The following STAT4 variants were observed in gnomAD, a reference collection of about 807,000 sequenced individuals.
The protein encoded by STAT4 is signal transducer and activator of transcription 4.
Under a neutral mutation model 110.5 loss-of-function variants are expected in STAT4, and 42 were observed. The ratio of observed to expected loss-of-function variants is 0.38; its 90% CI spans 0.30 to 0.49. The LOEUF (loss-of-function observed/expected upper bound fraction) is 0.49. Ranked by LOEUF, STAT4 falls within the 20% of genes least tolerant of loss-of-function variation. The probability of loss-of-function intolerance (pLI) is 0.95; values close to 1 mark genes in which losing one functional copy is unlikely to be tolerated. For synonymous variants in STAT4, 284 were observed against 302.2 expected (o/e 0.94, Z 0.63); for missense variants, 632 against 887.9 (o/e 0.71, Z 3.66).
chr2:191,131,007 A>T (rs922443460), intron 3 of STAT4, among the ~76,000 whole-genome samples: 13 of 151,890 alleles, frequency 8.6e-5, no homozygotes, highest in African/African-American at 2.9e-4. Context: ...GAAAAATAAT[A>T]AAAAGTAAAA....
chr2:191,098,674 G>A (rs1248575932), intron 3 of STAT4, among the ~76,000 whole-genome samples: 1 of 152,136 alleles, frequency 6.6e-6, no homozygotes, highest in Non-Finnish European at 1.5e-5. Context: ...GAGTTAATGG[G>A]TGCAGCAAAC....
intron 3 of STAT4, among the ~76,000 whole-genome samples, chr2:191,096,979 GACAA>G (rs1487414188): frequency 6.6e-6 from 1 of 152,086 alleles, no homozygotes; most frequent in African/African-American, 2.4e-5. Context: ...ACCAATAACA[GACAA>G]ACAGAGAGCC....
At position 191,069,738 on chromosome 2, in the gene STAT4, G is replaced by C; in HGVS notation, c.499C>G (p.Leu167Val). Residue 167 changes from leucine (L) to valine (V), a missense_variant, in exon 6 of 24, where the codon CTG becomes GTG. Around this residue, in one of 4 missense-constraint regions of STAT4, gnomAD observed 488 missense variants for 632.8 expected, o/e 0.77. Coordinates refer to ENST00000392320, the MANE Select transcript of STAT4 (RefSeq NM_003151.4). ...TACCTGTAGTCAAATTCGTCTTGCA[G>C]ATCTTCTAAGTATTTGGTATCTTGT... ...TEQDTKYLEDLQDEFDYRYKT... is the reference protein window; with the variant it reads ...TEQDTKYLEDVQDEFDYRYKT... 6.2e-7 allele frequency: 1 copy of C among 1,609,292 alleles called. No homozygotes were observed. Among genetic ancestry groups the C allele is most frequent in the East Asian group, 2.2e-5 (1 of 44,596 alleles).
Position 191,030,763 on chromosome 2 carries a change from T to C in STAT4, c.2220+209A>G. 1 of 494,028 alleles carries C rather than the reference T, an allele frequency of 2.0e-6. No homozygotes were observed. Among genetic ancestry groups the C allele is most frequent in the Non-Finnish European group, 3.7e-6 (1 of 272,912 alleles). The allele number at this position is 494,028 out of a possible 1,614,324, so 30.6% of individuals were successfully genotyped here. ...TCTGGTGGAAACAACGTAAAGCAGT[T>C]TAAGTAACTGAAGGTGTCTGCTTTC... On this transcript the variant is annotated intron_variant, in intron 23 of 23. Transcript: ENST00000392320. This position sits in a 1 kb window ranked among gnomAD's most constrained non-coding sequence, Gnocchi z 4.4.
At chr2:191,123,344 C>T (rs540771422) in intron 3 of STAT4, among the ~76,000 whole-genome samples, 8 of 152,246 alleles carry the variant, frequency 5.3e-5, no homozygotes, top group Middle Eastern at 3.4e-3. Context: ...TCTTGGACTC[C>T]CTTTCACTTT....
At chr2:191,134,116 T>C (rs1448295311) in intron 3 of STAT4, among the ~76,000 whole-genome samples, 1 of 152,122 alleles carries the variant, frequency 6.6e-6, no homozygotes, top group Non-Finnish European at 1.5e-5. Context: ...CCTTCCAAAG[T>C]CTAAGGTTGG....
Position 191,041,068 on chromosome 2 carries a change from C to A in STAT4, c.1332G>T (p.Leu444Phe). The A allele has an allele frequency of 6.9e-7, 1 of 1,447,072 alleles. No individual in the cohort carries two copies. Among genetic ancestry groups the A allele is most frequent in the Non-Finnish European group, 9.1e-7 (1 of 1,094,180 alleles). The allele number at this position is 1,447,072 out of a possible 1,614,324, so 89.6% of individuals were successfully genotyped here. A position where few individuals can be genotyped will look rare whatever the true frequency, so the allele number is the denominator to read the frequency against. The change falls in exon 15 of 24, where the codon TTG (leucine) becomes TTT (phenylalanine). Residue 444 changes from leucine to phenylalanine, a missense_variant. By Grantham distance (22) the Leu-to-Phe change is conservative. This residue lies in a region of STAT4 where 488 missense variants were observed against 632.8 expected (regional missense o/e 0.77). Coordinates refer to ENST00000392320, the MANE Select transcript of STAT4 (RefSeq NM_003151.4). ...QICLYGLTID[L>F]ETSSLPVVMI... is the part of the protein sequence containing the mutation. ...TGTATGTTCTTGAAACACCTACCTCCAAATCTATGGTCAGGCCATAGAGGC... is the reference window on the plus strand; with the variant it reads ...TGTATGTTCTTGAAACACCTACCTCAAAATCTATGGTCAGGCCATAGAGGC...
intron 4 of STAT4, among the ~76,000 whole-genome samples, chr2:191,075,611 T>C (rs527391386): frequency 1.3e-5 from 2 of 152,232 alleles, no homozygotes; most frequent in African/African-American, 4.8e-5. Flanking sequence ...TGTAGGACTC[T>C]GGAACAGAGT....
chr2:191,101,978 T>G (rs1698159893), intron 3 of STAT4, among the ~76,000 whole-genome samples: 1 of 151,976 alleles, frequency 6.6e-6, no homozygotes, highest in African/African-American at 2.4e-5. Flanking sequence ...TTTCTTTTTG[T>G]CTTCATTAGT....
At chr2:191,111,128 T>C (rs1002269872) in intron 3 of STAT4, among the ~76,000 whole-genome samples, 9 of 152,188 alleles carry the variant, frequency 5.9e-5, no homozygotes, top group African/African-American at 1.2e-4. Flanking sequence ...GAATATTACA[T>C]ATAAAAAGCA....
chr2:191,043,560 A>T lies in STAT4; in HGVS notation c.1252-2412T>A, dbSNP rs1397878015. Among the ~76,000 whole-genome samples the T allele has an allele frequency of 1.3e-5, 2 of 152,218 alleles. No individual in the cohort carries two copies. Among genetic ancestry groups the T allele is most frequent in the Non-Finnish European group, 2.9e-5 (2 of 68,040 alleles). ...TATACGTAACAATTCTTGTTGAATCATCTGATTCTGACTCATCTGCTACCA... is the reference window on the plus strand; with the variant it reads ...TATACGTAACAATTCTTGTTGAATCTTCTGATTCTGACTCATCTGCTACCA... On this transcript the variant is annotated intron_variant, in intron 14 of 23. Transcript: ENST00000392320. The surrounding 1 kb of genome is among the most constrained non-coding windows in gnomAD (Gnocchi z 4.8).
rs1698493932 is a variant in STAT4, at chr2:191,113,832, T to C, written c.273+32781A>G. Among the ~76,000 whole-genome samples, 1 of 152,148 alleles carries C rather than the reference T, an allele frequency of 6.6e-6. No homozygotes were observed. Among genetic ancestry groups the C allele is most frequent in the Non-Finnish European group, 1.5e-5 (1 of 68,012 alleles). ...GTACTCCCAAGAGTAGCAGAGAACA[T>C]TACAGAAATGTTACAGAAATAGAGA... On this transcript the variant is annotated intron_variant, in intron 3 of 23. Coordinates refer to ENST00000392320, the MANE Select transcript of STAT4 (RefSeq NM_003151.4). The surrounding 1 kb of genome is among the most constrained non-coding windows in gnomAD (Gnocchi z 4.8).
At chr2:191,103,590 G>C (rs1698201883) in intron 3 of STAT4, among the ~76,000 whole-genome samples, 1 of 152,060 alleles carries the variant, frequency 6.6e-6, no homozygotes, top group African/African-American at 2.4e-5. Context: ...CTTAATCATA[G>C]AGTTGGTCCT....
At chr2:191,105,952 T>C (rs1030339905) in intron 3 of STAT4, among the ~76,000 whole-genome samples, 8 of 152,302 alleles carry the variant, frequency 5.3e-5, no homozygotes, top group South Asian at 2.1e-4. Flanking sequence ...GTGGAGGATC[T>C]GAGATTGTGG....
chr2:191,130,369 C>A (rs1229539888), intron 3 of STAT4, among the ~76,000 whole-genome samples: 1 of 151,618 alleles, frequency 6.6e-6, no homozygotes, highest in Non-Finnish European at 1.5e-5. Context: ...ACTACAGGCA[C>A]CTGCCACCAC....
In STAT4 at chr2:191,077,877, C is replaced by T. The variant is rs930975747; in HGVS notation, c.274-1552G>A. 2.0e-5 allele frequency among the ~76,000 whole-genome samples: 3 copies of T among 151,988 alleles called. No individual in the cohort carries two copies. The highest frequency in any genetic ancestry group is 4.8e-5 in the African/African-American group (2 of 41,384). ...AATGAAAAAAACAAAAATAAATTGA[C>T]TGAAACTCAAAAGGTAAAGAAATAA... On this transcript the variant is annotated intron_variant, in intron 3 of 23. Coordinates refer to ENST00000392320, the MANE Select transcript of STAT4 (RefSeq NM_003151.4). This position sits in a 1 kb window ranked among gnomAD's most constrained non-coding sequence, Gnocchi z 4.1.
chr2:191,047,579 G>A (rs1696384603), intron 14 of STAT4, among the ~76,000 whole-genome samples: 1 of 152,198 alleles, frequency 6.6e-6, no homozygotes, highest in African/African-American at 2.4e-5. Context: ...GTGACCAGAA[G>A]GGAGGTATGG....
chr2:191,041,623 A>G (rs971470266), intron 14 of STAT4: 4 of 152,192 alleles, frequency 2.6e-5, no homozygotes, highest in African/African-American at 7.2e-5. Flanking sequence ...CCCTCCAGAC[A>G]CTCCAATAAG....
intron 14 of STAT4, among the ~76,000 whole-genome samples, chr2:191,052,983 TC>T (rs1696574838): frequency 6.6e-6 from 1 of 152,256 alleles, no homozygotes; most frequent in Non-Finnish European, 1.5e-5. Flanking sequence ...AAGACTGAGC[TC>T]ATCTTTGGTG....
Sources: gnomAD v4.1 joint callset for allele counts (sites outside exome capture counted in the v4.1 genomes callset) on GRCh38, gnomAD v4.1.1 for gene constraint, gnomAD v4.1.1 regional missense constraint, Gnocchi (gnomAD v3.1) non-coding constraint, MANE v1.5 for transcripts, NCBI Gene and HGNC (gene_info 2026-07-23, HGNC 2026-07-21) for gene names.